NLRC3: variants seen among roughly 807,000 people sequenced by gnomAD.
The protein encoded by NLRC3 is NLR family CARD domain containing 3.
In NLRC3, 87 loss-of-function variants were observed where a neutral mutation model predicts 91.6. That is an observed-to-expected ratio of 0.95 (90% CI 0.80 to 1.14). The LOEUF (loss-of-function observed/expected upper bound fraction) is 1.14. Ranked by LOEUF, NLRC3 falls within the 50% of genes most tolerant of loss-of-function variation. The pLI is 0.00. For synonymous variants in NLRC3, 694 were observed against 625.3 expected, an observed-to-expected ratio of 1.11 and a Z score of -1.64; for missense variants, 1,577 against 1,418.6, an observed-to-expected ratio of 1.11 and a Z score of -1.79.
intron 16 of NLRC3, chr16:3,543,930 G>T: frequency 2.8e-6 from 1 of 358,630 alleles, no homozygotes. Flanking sequence ...GAGGTGGGCA[G>T]ATCACCTGAA....
In NLRC3 at chr16:3,563,217, G is replaced by T. The variant is rs1232528009; in HGVS notation, c.1720C>A (p.Leu574Met). 1.2e-6 allele frequency: 2 copies of T among 1,601,116 alleles called. No individual in the cohort carries two copies. The highest frequency in any genetic ancestry group is 3.4e-5 in the Admixed American group (2 of 58,972). The change falls in exon 5 of 20, where the codon CTG (leucine) becomes ATG (methionine). Residue 574 changes from leucine (L) to methionine (M), a missense_variant. Coordinates refer to ENST00000359128, the MANE Select transcript of NLRC3 (RefSeq NM_178844.4). ...AINVLHCLHE[L>M]QHTELARSVE... ...CTGCGGGCCAGCTCGGTGTGCTGCA[G>T]CTCATGCAGGCAGTGCAACACGTTG...
chr16:3,546,114 G>A (rs771072335), intron 15 of NLRC3, among the ~76,000 whole-genome samples: 4 of 152,278 alleles, frequency 2.6e-5, no homozygotes, highest in East Asian at 1.9e-4. Context: ...GAAGCAGGAG[G>A]TGGGTAGGCA....
intron 15 of NLRC3, chr16:3,544,590 G>A: frequency 2.3e-6 from 1 of 440,604 alleles, no homozygotes; most frequent in Non-Finnish European, 4.1e-6. Context: ...ACTGTCAGCA[G>A]GGGCTTGGGA....
In NLRC3 at chr16:3,564,478, G is replaced by C. The variant is rs368546801; in HGVS notation, c.459C>G (p.Thr153=). The change falls in exon 5 of 20, where the codon ACC becomes ACG. Residue 153 remains threonine, a synonymous_variant. Coordinates refer to ENST00000359128, the MANE Select transcript of NLRC3 (RefSeq NM_178844.4). The surrounding 1 kb of genome is among the most constrained non-coding windows in gnomAD (Gnocchi z 5.9). The stretch of plus-strand genomic sequence containing the variant: ...AGAGGCGGACGAAGTGCCTCACCAG[G>C]GTGGTCTTGCCCATGCCGGCCACCC... ...TIGVAGMGKT[T]LVRHFVRLWA... is the part of the protein sequence containing the mutation. 5.1e-5 allele frequency: 82 copies of C among 1,612,444 alleles called. No homozygotes were observed. Among genetic ancestry groups the C allele is most frequent in the Non-Finnish European group, 6.5e-5 (77 of 1,179,886 alleles).
chr16:3,565,469 CAAAAAAAAAAAAAAAA>C (rs57860901), intron 2 of NLRC3, 89 bp from the exon 3 acceptor site: 23 of 44,858 alleles, frequency 5.1e-4, no homozygotes, highest in Admixed American at 3.1e-3. Context: ...TGGGAAAAAG[CAAAAAAAAAAAAAAAA>C]AAAAAAAAAA....
chr16:3,562,111 G>A (rs897253585), intron 5 of NLRC3, among the ~76,000 whole-genome samples: 9 of 152,202 alleles, frequency 5.9e-5, no homozygotes, highest in Admixed American at 4.6e-4. Context: ...CCAGAGTGGC[G>A]GGCAGGGGAC....
intron 15 of NLRC3, chr16:3,544,906 C>G (rs1185390157): frequency 6.5e-6 from 1 of 152,764 alleles, no homozygotes; most frequent in Non-Finnish European, 1.5e-5. Context: ...GTTGCTCAGG[C>G]TGGTCCTGAA....
chr16:3,566,115 A>G (rs914244128), intron 2 of NLRC3, among the ~76,000 whole-genome samples: 1 of 149,934 alleles, frequency 6.7e-6, no homozygotes, highest in Non-Finnish European at 1.5e-5. Flanking sequence ...AAAAAAAAAA[A>G]AAAAAAAAAA....
chr16:3,576,782 C>CCAG (rs1448767819), intron 1 of NLRC3, among the ~76,000 whole-genome samples: 53 of 152,314 alleles, frequency 3.5e-4, no homozygotes, highest in Non-Finnish European at 6.0e-4. Flanking sequence ...CCTGCCTCAG[C>CCAG]CTCCCGACTA....
At position 3,577,233 on chromosome 16, in the gene NLRC3, C is replaced by T. The variant is rs2151112001; in HGVS notation, c.-253G>A. 1 of 702,480 alleles carries T rather than the reference C, an allele frequency of 1.4e-6. No homozygotes were observed. Among genetic ancestry groups the T allele is most frequent in the South Asian group, 1.5e-5 (1 of 67,566 alleles). The allele number at this position is 702,480 out of a possible 1,614,324, so 43.5% of individuals were successfully genotyped here. The stretch of plus-strand genomic sequence containing the variant: ...CTCCATGCTCCTGGGCTCAGCCCTG[C>T]TCCAGCTGCGTGGTGGTAGATGCCC... On this transcript the variant is annotated 5_prime_UTR_variant, in exon 1 of 20. Coordinates refer to ENST00000359128, the MANE Select transcript of NLRC3 (RefSeq NM_178844.4).
chr16:3,543,496 G>C lies in NLRC3; in HGVS notation c.2868C>G (p.Ala956=). The change falls in exon 17 of 20, where the codon GCC becomes GCG. Residue 956 remains alanine, a synonymous_variant. Transcript: ENST00000359128. ...TALTALYLQV[A]SIGASGAQVL... is the part of the protein sequence containing the mutation. ...CCTGGGCGCCTGAAGCACCAATTGA[G>C]GCCACCTGGAGACTGGGGCGGAGAG... 6.2e-7 allele frequency: 1 copy of C among 1,612,738 alleles called. No individual in the cohort carries two copies. The highest frequency in any genetic ancestry group is 8.5e-7 in the Non-Finnish European group (1 of 1,179,456).
intron 5 of NLRC3, 170 bp downstream of exon 5, chr16:3,562,839 C>T (rs1405627766): frequency 1.4e-6 from 1 of 724,350 alleles, no homozygotes; most frequent in Admixed American, 2.0e-5. Context: ...GACTTCTGGC[C>T]TCCAGAACTG....
chr16:3,565,853 G>A (rs1435629001), intron 2 of NLRC3, among the ~76,000 whole-genome samples: 9 of 151,824 alleles, frequency 5.9e-5, no homozygotes, highest in Non-Finnish European at 1.2e-4. Context: ...ACCAGCTTGG[G>A]CAACATAGTG....
At position 3,563,142 on chromosome 16, in the gene NLRC3, C is replaced by G; in HGVS notation, c.1795G>C (p.Ala599Pro). Reference protein sequence around the residue: ...SGALARLTGPAHRAALAYLLQ... With the variant: ...SGALARLTGPPHRAALAYLLQ... ...AGGTAGGCCAGGGCAGCGCGGTGCG[C>G]GGGACCAGTCAGCCTGGCCAGGGCC... Residue 599 changes from alanine (A) to proline (P), a missense_variant, in exon 5 of 20, where the codon GCG becomes CCG. Coordinates refer to ENST00000359128, the MANE Select transcript of NLRC3 (RefSeq NM_178844.4). The G allele has an allele frequency of 6.3e-7, 1 of 1,586,532 alleles. No individual in the cohort carries two copies. The highest frequency in any genetic ancestry group is 8.6e-7 in the Non-Finnish European group (1 of 1,168,110).
At chr16:3,551,893 TCATTTAAC>T (rs2039028830) in intron 10 of NLRC3, among the ~76,000 whole-genome samples, 1 of 142,036 alleles carries the variant, frequency 7.0e-6, no homozygotes, top group Admixed American at 7.1e-5. Flanking sequence ...ACCCATATAC[TCATTTAAC>T]CATCCATCCA....
chr16:3,561,782 G>A lies in NLRC3; in HGVS notation c.1935C>T (p.Asp645=), dbSNP rs747739861. 5 of 1,613,074 alleles carry A rather than the reference G, an allele frequency of 3.1e-6. No individual in the cohort carries two copies. The highest frequency in any genetic ancestry group is 4.2e-6 in the Non-Finnish European group (5 of 1,179,338). ...TCACGGGGTCCTGGAACTGGTTGGT[G>A]TCCAGCCTGGCCAAGGGGAGCAGTG... is the stretch of plus-strand genomic sequence containing the variant. ...QLLYCRKLRL[D]TNQFQDPVME... The change falls in exon 6 of 20, where the codon GAC becomes GAT. Residue 645 remains aspartate (D), a synonymous_variant. Transcript: ENST00000359128.
chr16:3,548,401 G>A (rs1298613623), intron 14 of NLRC3, among the ~76,000 whole-genome samples, 183 bp from the exon 15 acceptor site: 2 of 152,258 alleles, frequency 1.3e-5, no homozygotes, highest in African/African-American at 2.4e-5. Flanking sequence ...GCCGTGGCCA[G>A]AGGGCCGGGG....
chr16:3,549,765 G>A lies in NLRC3; in HGVS notation c.2451C>T (p.Ser817=), dbSNP rs1284920888. The A allele has an allele frequency of 6.4e-7, 1 of 1,550,858 alleles. No homozygotes were observed. The highest frequency in any genetic ancestry group is 2.0e-5 in the Admixed American group (1 of 50,986). The stretch of plus-strand genomic sequence containing the variant: ...GTGCTGCCACTCCTGCGTCACTGAT[G>A]GAATTGCTCTGCAGGCTGCGGAAAG... ...GLESLDLQSN[S]ISDAGVAALM... is the part of the protein sequence containing the mutation. The change falls in exon 12 of 20, where the codon TCC becomes TCT. Residue 817 remains serine (S), a synonymous_variant. Transcript: ENST00000359128.
intron 14 of NLRC3, 67 bp from the exon 15 acceptor site, chr16:3,548,285 G>A: frequency 3.9e-6 from 5 of 1,278,410 alleles, no homozygotes; most frequent in South Asian, 1.3e-5. Flanking sequence ...CAGAGCCAAG[G>A]AGGCTCTGAT....
Sources: gnomAD v4.1 joint callset for allele counts (sites outside exome capture counted in the v4.1 genomes callset) on GRCh38, gnomAD v4.1.1 for gene constraint, Gnocchi (gnomAD v3.1) non-coding constraint, MANE v1.5 for transcripts, NCBI Gene and HGNC (gene_info 2026-07-23, HGNC 2026-07-21) for gene names.